The following CDC14A variants were observed in gnomAD, a reference collection of about 807,000 sequenced individuals.
CDC14A encodes the protein dual specificity protein phosphatase CDC14A.
A neutral mutation model predicts 74.4 loss-of-function variants in CDC14A; 53 were observed. The ratio of observed to expected loss-of-function variants is 0.71; its 90% CI spans 0.57 to 0.89. The LOEUF (loss-of-function observed/expected upper bound fraction) is 0.89, where lower values mean the gene tolerates loss of function less well. Ranked by LOEUF, CDC14A falls within the 40% of genes least tolerant of loss-of-function variation. The probability of loss-of-function intolerance (pLI) is 0.00; values close to 1 mark genes in which losing one functional copy is unlikely to be tolerated. For missense variants in CDC14A, 646 were observed against 713.7 expected (o/e 0.91, Z 1.08); for synonymous variants, 247 against 258.4 (o/e 0.96, Z 0.43).
chr1:100,413,060 A>C (rs1276246132), intron 4 of CDC14A, among the ~76,000 whole-genome samples: 1 of 151,822 alleles, frequency 6.6e-6, no homozygotes, highest in Non-Finnish European at 1.5e-5. Context: ...TGTCAAAAAG[A>C]AAAGAAAAAA....
intron 9 of CDC14A, among the ~76,000 whole-genome samples, chr1:100,464,832 C>A (rs1384330032): frequency 6.6e-6 from 1 of 152,028 alleles, no homozygotes; most frequent in Non-Finnish European, 1.5e-5. Flanking sequence ...ATTCTTATTA[C>A]AGATATTTTC....
intron 2 of CDC14A, chr1:100,363,326 TA>T (rs755020953): frequency 6.6e-6 from 1 of 152,202 alleles, no homozygotes; most frequent in South Asian, 2.1e-4. Flanking sequence ...TGCTGTTTGT[TA>T]AAAGAGAAAA....
At chr1:100,462,446 G>A in intron 8 of CDC14A, 2 of 560,356 alleles carry the variant, frequency 3.6e-6, no homozygotes, top group Middle Eastern at 3.5e-4. Flanking sequence ...AGTACTTACA[G>A]AAGTTTTCTT....
chr1:100,414,563 TTTC>T (rs1661275302), intron 4 of CDC14A, among the ~76,000 whole-genome samples: 1 of 152,178 alleles, frequency 6.6e-6, no homozygotes, highest in African/African-American at 2.4e-5. Flanking sequence ...TTTCATTTTC[TTTC>T]TTCATTTGGA....
rs1206605405 is a variant in CDC14A at position 100,352,600 on chromosome 1, A to G, written c.-355A>G. On this transcript the variant is annotated 5_prime_UTR_variant, in exon 1 of 16. Transcript: ENST00000336454. ...GGGACCAGAAGTCTCCTCCTCCATG[A>G]TCACTTTGGAAGCCGGGGGAAGACT... is the stretch of plus-strand genomic sequence containing the variant. 3 of 1,128,664 alleles carry G rather than the reference A, an allele frequency of 2.7e-6. No homozygotes were observed. The highest frequency in any genetic ancestry group is 1.0e-4 in the Admixed American group (2 of 19,456). 69.9% of individuals were successfully genotyped at this position (1,128,664 alleles called of 1,614,324 possible).
chr1:100,436,888 T>C (rs1664403454), intron 5 of CDC14A, among the ~76,000 whole-genome samples: 1 of 152,210 alleles, frequency 6.6e-6, no homozygotes, highest in Non-Finnish European at 1.5e-5. Context: ...CAAAAGCCTT[T>C]AAAAATTCAC....
At chr1:100,467,886 T>C in intron 9 of CDC14A, 70 bp from the exon 10 acceptor site, 3 of 1,438,664 alleles carry the variant, frequency 2.1e-6, no homozygotes, top group Non-Finnish European at 2.8e-6. Flanking sequence ...TGGGCAAGGT[T>C]TGATTTCAGT....
chr1:100,352,472 A>C, upstream of CDC14A: 1 of 1,012,274 alleles, frequency 9.9e-7, no homozygotes, highest in Non-Finnish European at 1.2e-6. Flanking sequence ...GAGGAAGAGT[A>C]ACTGCTGAAA....
At chr1:100,348,275 C>G (rs1650608299), upstream of CDC14A, among the ~76,000 whole-genome samples, 1 of 137,558 alleles carries the variant, frequency 7.3e-6, no homozygotes, top group Admixed American at 7.2e-5. Context: ...GAGCAAGACT[C>G]CATTTCAAAA....
chr1:100,441,022 A>T (rs3767830), intron 6 of CDC14A, among the ~76,000 whole-genome samples: 1 of 152,166 alleles, frequency 6.6e-6, no homozygotes, highest in East Asian at 1.9e-4. Context: ...AACATATAAC[A>T]GTTGATTATA....
At chr1:100,402,084 A>C (rs1659338712) in intron 4 of CDC14A, among the ~76,000 whole-genome samples, 1 of 152,110 alleles carries the variant, frequency 6.6e-6, no homozygotes, top group African/African-American at 2.4e-5. Flanking sequence ...GAATACTAGA[A>C]AATTTTTAAT....
intron 15 of CDC14A, among the ~76,000 whole-genome samples, chr1:100,512,817 C>T (rs993007333): frequency 6.6e-6 from 1 of 152,184 alleles, no homozygotes; most frequent in Non-Finnish European, 1.5e-5. Flanking sequence ...CTGATTTTAA[C>T]ACAAACCTTC....
At chr1:100,461,556 A>G (rs1052516461) in intron 8 of CDC14A, among the ~76,000 whole-genome samples, 2 of 152,220 alleles carry the variant, frequency 1.3e-5, no homozygotes, top group African/African-American at 4.8e-5. Context: ...TGTGGCCATC[A>G]GTGTGCTGGG....
chr1:100,372,345 C>T (rs748027310), intron 2 of CDC14A, among the ~76,000 whole-genome samples: 6 of 152,176 alleles, frequency 3.9e-5, no homozygotes, highest in Admixed American at 2.0e-4. Context: ...TGAAAGATTT[C>T]TCTGTAGCAT....
At chr1:100,449,549 C>T (rs543460490) in intron 7 of CDC14A, among the ~76,000 whole-genome samples, 1 of 152,324 alleles carries the variant, frequency 6.6e-6, no homozygotes, top group African/African-American at 2.4e-5. Context: ...GCTCCCTCCT[C>T]CTGCCTGTCA....
intron 15 of CDC14A, among the ~76,000 whole-genome samples, chr1:100,507,775 G>T (rs535443785): frequency 6.6e-6 from 1 of 151,956 alleles, no homozygotes; most frequent in Non-Finnish European, 1.5e-5. Flanking sequence ...CACCTCCCAG[G>T]TTCAAGTGAA....
chr1:100,393,770 A>G (rs1571050178), intron 4 of CDC14A: 1 of 309,752 alleles, frequency 3.2e-6, no homozygotes, highest in Non-Finnish European at 6.3e-6. Context: ...CCTGACCAAC[A>G]TGTCTCTACT....
At chr1:100,407,455 G>T (rs1312016071) in intron 4 of CDC14A, among the ~76,000 whole-genome samples, 2 of 152,066 alleles carry the variant, frequency 1.3e-5, no homozygotes, top group Non-Finnish European at 2.9e-5. Flanking sequence ...TTTATTCTTT[G>T]TGTGCTAATT....
intron 4 of CDC14A, chr1:100,393,630 G>C: frequency 1.6e-6 from 1 of 639,228 alleles, no homozygotes; most frequent in Admixed American, 1.9e-5. Flanking sequence ...CTGCACACCA[G>C]AGGCTTCATA....
Sources: allele counts gnomAD v4.1 joint callset (sites outside exome capture counted in the v4.1 genomes callset), GRCh38; gene constraint gnomAD v4.1.1; transcripts MANE v1.5; gene names NCBI Gene and HGNC (gene_info 2026-07-23, HGNC 2026-07-21).